The following MOB3B variants were observed in gnomAD, a reference collection of about 807,000 sequenced individuals.
MOB3B encodes the protein MOB kinase activator 3B.
MOB3B carries 7 observed loss-of-function variants against 18.7 expected under a neutral mutation model. The ratio of observed to expected loss-of-function variants is 0.37; its 90% CI spans 0.21 to 0.70. The LOEUF is 0.70. Among genes scored for constraint, MOB3B ranks in the 30% least tolerant of loss-of-function variants. The pLI is 0.52. For missense variants in MOB3B, 253 were observed against 281.3 expected (o/e 0.90, Z 0.72); for synonymous variants, 111 against 99.9 (o/e 1.11, Z -0.66).
intron 2 of MOB3B, among the ~76,000 whole-genome samples, chr9:27,434,265 C>T (rs1414200060): frequency 6.6e-6 from 1 of 152,138 alleles, no homozygotes; most frequent in Non-Finnish European, 1.5e-5. Flanking sequence ...CTGCCCTTGT[C>T]TTACTTAATC....
intron 1 of MOB3B, among the ~76,000 whole-genome samples, chr9:27,473,046 T>G (rs1226289999): frequency 1.3e-5 from 2 of 152,208 alleles, no homozygotes; most frequent in African/African-American, 4.8e-5. Context: ...AGATTTTAAG[T>G]GATTACACAA....
rs768024505 is a variant in MOB3B at position 27,464,535 on chromosome 9, ATACTC to A, written c.-198-8792_-198-8788del. ...AAACACTTTTCAGAATAGCATATAA[ATACTC>A]TACATTTAACACATTACATTCCTGG... On this transcript the variant is annotated intron_variant, in intron 1 of 3. Coordinates refer to ENST00000262244, the MANE Select transcript of MOB3B (RefSeq NM_024761.5). Among the ~76,000 whole-genome samples, 117 of 152,312 alleles carry A rather than the reference ATACTC, an allele frequency of 7.7e-4. 1 individual carries two copies. Among genetic ancestry groups the A allele is most frequent in the Non-Finnish European group, 2.8e-4 (19 of 68,028 alleles).
At chr9:27,355,679 C>G (rs959031501) in intron 3 of MOB3B, among the ~76,000 whole-genome samples, 7 of 151,768 alleles carry the variant, frequency 4.6e-5, no homozygotes, top group African/African-American at 1.7e-4. Flanking sequence ...CCTGCCTCAG[C>G]CTCCCGAGTG....
At chr9:27,330,812 C>G (rs746733467) in intron 3 of MOB3B, among the ~76,000 whole-genome samples, 196 bp from the exon 4 acceptor site, 8 of 151,920 alleles carry the variant, frequency 5.3e-5, no homozygotes, top group Non-Finnish European at 1.0e-4. Context: ...CATTAAGGCA[C>G]TGTTTAAAAA....
chr9:27,335,671 A>G (rs1820853869), intron 3 of MOB3B, among the ~76,000 whole-genome samples: 1 of 151,990 alleles, frequency 6.6e-6, no homozygotes, highest in Admixed American at 6.6e-5. Context: ...TTCCATACAC[A>G]TGCTCCTCTC....
intron 2 of MOB3B, among the ~76,000 whole-genome samples, chr9:27,364,444 T>A (rs957451565): frequency 6.6e-6 from 1 of 152,144 alleles, no homozygotes; most frequent in Admixed American, 6.5e-5. Context: ...TTCATAGAGG[T>A]TTACAACGTA....
At chr9:27,520,826 A>G (rs1050163162) in intron 1 of MOB3B, among the ~76,000 whole-genome samples, 2 of 152,222 alleles carry the variant, frequency 1.3e-5, no homozygotes, top group African/African-American at 4.8e-5. Flanking sequence ...GGGAGCTTGC[A>G]TGGTGGATAG....
chr9:27,502,664 T>C (rs1820007525), intron 1 of MOB3B, among the ~76,000 whole-genome samples: 1 of 152,328 alleles, frequency 6.6e-6, no homozygotes, highest in African/African-American at 2.4e-5. Flanking sequence ...GGCTTCAGAA[T>C]CTTTCTTAAC....
At chr9:27,508,074 A>T (rs1820086358) in intron 1 of MOB3B, among the ~76,000 whole-genome samples, 1 of 152,234 alleles carries the variant, frequency 6.6e-6, no homozygotes, top group African/African-American at 2.4e-5. Flanking sequence ...TGCAACCAGG[A>T]GTTCTGCAGC....
At chr9:27,385,008 A>T (rs1351582234) in intron 2 of MOB3B, among the ~76,000 whole-genome samples, 1 of 152,142 alleles carries the variant, frequency 6.6e-6, no homozygotes, top group African/African-American at 2.4e-5. Flanking sequence ...ACATTTGGGG[A>T]CAACTAAGGG....
At chr9:27,375,207 G>C (rs1821473160) in intron 2 of MOB3B, among the ~76,000 whole-genome samples, 1 of 152,218 alleles carries the variant, frequency 6.6e-6, no homozygotes, top group Non-Finnish European at 1.5e-5. Context: ...CACTGTCTTT[G>C]AGTACCTCAT....
intron 2 of MOB3B, among the ~76,000 whole-genome samples, chr9:27,376,507 C>G (rs1437446428): frequency 6.6e-6 from 1 of 152,156 alleles, no homozygotes; most frequent in African/African-American, 2.4e-5. Context: ...ACTCAAGAAC[C>G]AAAGCTATAA....
chr9:27,433,722 T>C (rs1332892808), intron 2 of MOB3B, among the ~76,000 whole-genome samples: 3 of 152,106 alleles, frequency 2.0e-5, no homozygotes, highest in Non-Finnish European at 4.4e-5. Flanking sequence ...AATGAAGCCT[T>C]TCCATGCATA....
chr9:27,340,550 C>T (rs1820924148), intron 3 of MOB3B, among the ~76,000 whole-genome samples: 1 of 152,170 alleles, frequency 6.6e-6, no homozygotes, highest in South Asian at 2.1e-4. Flanking sequence ...TGTATCTCTG[C>T]AGATCCCCTC....
chr9:27,448,368 CTT>C (rs1480372911), intron 2 of MOB3B, among the ~76,000 whole-genome samples: 1 of 152,062 alleles, frequency 6.6e-6, no homozygotes, highest in Non-Finnish European at 1.5e-5. Flanking sequence ...GAGTGGGTAA[CTT>C]ATAAAGAAAA....
At chr9:27,430,893 C>A (rs1822407687) in intron 2 of MOB3B, among the ~76,000 whole-genome samples, 1 of 150,852 alleles carries the variant, frequency 6.6e-6, no homozygotes, top group Admixed American at 6.6e-5. Context: ...GGATTCTGTT[C>A]CACAGTTTGT....
intron 3 of MOB3B, among the ~76,000 whole-genome samples, chr9:27,353,943 C>T (rs914594844): frequency 1.3e-5 from 2 of 152,262 alleles, no homozygotes; most frequent in African/African-American, 4.8e-5. Context: ...GGGCTGTTTC[C>T]TCCAACAAGG....
In MOB3B at chr9:27,481,510, TG is replaced by T. The variant is rs1162432817; in HGVS notation, c.-198-25763del. On this transcript the variant is annotated intron_variant, in intron 1 of 3. Transcript: ENST00000262244. ...CTAAGGAAGGTAGTTTTTTTTTTTT[TG>T]TTTTTTTTGTTTTTTTTTTTTTTTG... Among the ~76,000 whole-genome samples the T allele has an allele frequency of 6.4e-3, 530 of 83,270 alleles. 6 individuals are homozygous for T. The highest frequency in any genetic ancestry group is 0.013 in the Non-Finnish European group (441 of 33,366). 54.6% of individuals were successfully genotyped at this position (83,270 alleles called of 152,430 possible).
intron 2 of MOB3B, among the ~76,000 whole-genome samples, chr9:27,388,800 C>T (rs532435916): frequency 2.0e-5 from 3 of 152,300 alleles, no homozygotes; most frequent in East Asian, 1.9e-4. Context: ...ATCTCCCTTT[C>T]TCAAGCCAGA....
Sources: gnomAD v4.1 joint callset for allele counts (sites outside exome capture counted in the v4.1 genomes callset) on GRCh38, gnomAD v4.1.1 for gene constraint, MANE v1.5 for transcripts, NCBI Gene and HGNC (gene_info 2026-07-23, HGNC 2026-07-21) for gene names.